Variants in WDPCP observed in about 807,000 individuals in gnomAD.
The protein encoded by WDPCP is WD repeat containing planar cell polarity effector.
A neutral mutation model predicts 93.1 loss-of-function variants in WDPCP; 71 were observed. That is an observed-to-expected ratio of 0.76 (90% CI 0.63 to 0.93). The LOEUF (loss-of-function observed/expected upper bound fraction) is 0.93. WDPCP is among the 40% of genes least tolerant of loss of function. WDPCP has a pLI of 0.00. For synonymous variants in WDPCP, 315 were observed against 315.0 expected, an observed-to-expected ratio of 1.00 and a Z score of 0.00; for missense variants, 844 against 887.4, an observed-to-expected ratio of 0.95 and a Z score of 0.62.
At chr2:63,597,567 C>A in intron 3 of WDPCP, 1 of 1,406,328 alleles carries the variant, frequency 7.1e-7, no homozygotes, top group Admixed American at 2.7e-5. Context: ...GCCAAGAAGT[C>A]AGTTAAGGTG....
intron 9 of WDPCP, among the ~76,000 whole-genome samples, chr2:63,433,352 T>G (rs1349538213): frequency 6.6e-6 from 1 of 152,214 alleles, no homozygotes; most frequent in African/African-American, 2.4e-5. Flanking sequence ...GAACTAATAA[T>G]GATAATAACA....
At chr2:63,139,070 T>C (rs1283122607) in intron 17 of WDPCP, among the ~76,000 whole-genome samples, 2 of 152,224 alleles carry the variant, frequency 1.3e-5, no homozygotes, top group Admixed American at 6.5e-5. Flanking sequence ...ACTGTGTATG[T>C]ATGTATGTGT....
chr2:63,289,828 A>G (rs752286125), intron 13 of WDPCP, among the ~76,000 whole-genome samples: 30 of 151,804 alleles, frequency 2.0e-4, no homozygotes, highest in Non-Finnish European at 3.5e-4. Context: ...GCCTGATTAA[A>G]CTTTTGTCAT....
chr2:63,345,867 C>G (rs1017558551), intron 12 of WDPCP, among the ~76,000 whole-genome samples: 1 of 152,200 alleles, frequency 6.6e-6, no homozygotes, highest in African/African-American at 2.4e-5. Context: ...GGAAATGCCT[C>G]TACCTTTATC....
At chr2:63,826,200 A>T (rs1671111537) in intron 1 of WDPCP, among the ~76,000 whole-genome samples, 1 of 152,032 alleles carries the variant, frequency 6.6e-6, no homozygotes, top group Admixed American at 6.6e-5. Flanking sequence ...TACTTCTTAT[A>T]ATAGGATACA....
chr2:63,304,303 A>G (rs1487955202), intron 13 of WDPCP, among the ~76,000 whole-genome samples: 1 of 152,206 alleles, frequency 6.6e-6, no homozygotes. Context: ...AGATGGCTGA[A>G]TTGGAACAGC....
intron 9 of WDPCP, among the ~76,000 whole-genome samples, chr2:63,405,532 AGTGTGTGTGTGTGTGT>A (rs55807956): frequency 8.0e-4 from 100 of 125,010 alleles, no homozygotes; most frequent in South Asian, 2.4e-3. Flanking sequence ...ATTTTGGTAT[AGTGTGTGTGTGTGTGT>A]GTGTGTGTGT....
chr2:63,309,227 C>A (rs1421350793), intron 13 of WDPCP, among the ~76,000 whole-genome samples: 2 of 152,150 alleles, frequency 1.3e-5, no homozygotes, highest in Admixed American at 6.6e-5. Flanking sequence ...TGTGACAAAC[C>A]TGTCCATGTA....
At chr2:63,565,227 C>T (rs1382717877) in intron 1 of WDPCP, among the ~76,000 whole-genome samples, 1 of 152,150 alleles carries the variant, frequency 6.6e-6, no homozygotes, top group African/African-American at 2.4e-5. Context: ...ACCTTCAAAG[C>T]TTGCAGGATA....
chr2:63,516,582 G>A (rs1702565384), intron 1 of WDPCP, among the ~76,000 whole-genome samples: 1 of 152,050 alleles, frequency 6.6e-6, no homozygotes, highest in African/African-American at 2.4e-5. Flanking sequence ...GAAGAGGAGG[G>A]GATGCTGGAC....
At chr2:63,423,918 A>G (rs1471102825) in intron 9 of WDPCP, among the ~76,000 whole-genome samples, 1 of 152,150 alleles carries the variant, frequency 6.6e-6, no homozygotes, top group Non-Finnish European at 1.5e-5. Context: ...AATATTGAGT[A>G]AGCCAAGGTA....
chr2:63,201,752 G>T (rs1046808751), intron 14 of WDPCP, among the ~76,000 whole-genome samples: 1 of 151,988 alleles, frequency 6.6e-6, no homozygotes, highest in African/African-American at 2.4e-5. Flanking sequence ...CTGGTAAACC[G>T]TAATTTTCTT....
intron 14 of WDPCP, among the ~76,000 whole-genome samples, chr2:63,215,630 C>T (rs1390649923): frequency 2.0e-5 from 3 of 152,146 alleles, no homozygotes; most frequent in African/African-American, 7.2e-5. Context: ...TAGGCAGTAC[C>T]ATTCAGGACA....
At chr2:63,607,843 G>GAAGAAAAGA (rs747071415) in intron 3 of WDPCP, among the ~76,000 whole-genome samples, 150 of 145,508 alleles carry the variant, frequency 1.0e-3, no homozygotes, top group South Asian at 2.0e-3. Context: ...AAAAAAAAAA[G>GAAGAAAAGA]AAGAAAAGAA....
chr2:63,492,862 T>C lies in WDPCP; in HGVS notation c.154A>G (p.Ile52Val). 4 of 1,613,430 alleles carry C rather than the reference T, an allele frequency of 2.5e-6. No homozygotes were observed. Among genetic ancestry groups the C allele is most frequent in the Non-Finnish European group, 3.4e-6 (4 of 1,179,732 alleles). ...TAATCCAGAGCTCATTTACCCGCAA[T>C]GTGTAAGGTATTCTTCAAAGACCAC... ...HLWSLKNTLH[I>V]ADRDIGIYQY... is the part of the protein sequence containing the mutation. The change falls in exon 2 of 18, where the codon ATT becomes GTT. Residue 52 changes from isoleucine to valine, a missense_variant. By Grantham distance (29) the Ile-to-Val change is conservative (BLOSUM62 3). Transcript: ENST00000272321.
intron 3 of WDPCP, chr2:63,606,864 T>C (rs767680486): frequency 6.2e-7 from 1 of 1,609,366 alleles, no homozygotes; most frequent in African/African-American, 1.3e-5. Flanking sequence ...TCAAACAGAA[T>C]AAGACCTGGA....
chr2:63,336,813 A>T (rs1041085411), intron 12 of WDPCP, among the ~76,000 whole-genome samples: 20 of 148,736 alleles, frequency 1.3e-4, no homozygotes, highest in Middle Eastern at 3.5e-3. Context: ...ATTTATATAT[A>T]TATTTTTCCC....
chr2:63,268,800 A>C (rs2677436), intron 13 of WDPCP, among the ~76,000 whole-genome samples: 2 of 152,004 alleles, frequency 1.3e-5, no homozygotes, highest in African/African-American at 2.4e-5. Context: ...AAGATTTTTA[A>C]TGTTATGATC....
intron 13 of WDPCP, among the ~76,000 whole-genome samples, chr2:63,261,181 T>A (rs1681599307): frequency 9.7e-6 from 1 of 103,516 alleles, no homozygotes; most frequent in Non-Finnish European, 1.7e-5. Context: ...AAGGTTTTTT[T>A]TTTTTCTGTT....
Sources: allele counts gnomAD v4.1 joint callset (sites outside exome capture counted in the v4.1 genomes callset), GRCh38; gene constraint gnomAD v4.1.1; transcripts MANE v1.5; gene names NCBI Gene and HGNC (gene_info 2026-07-23, HGNC 2026-07-21).